The following PALM variants were observed in gnomAD, a reference collection of about 807,000 sequenced individuals.
PALM encodes paralemmin.
PALM carries 18 observed loss-of-function variants against 30.7 expected under a neutral mutation model. The ratio of observed to expected loss-of-function variants is 0.59; its 90% CI spans 0.41 to 0.87. The LOEUF is 0.87. PALM is among the 40% of genes least tolerant of loss of function. The probability of loss-of-function intolerance (pLI) is 0.00; values close to 1 mark genes in which losing one functional copy is unlikely to be tolerated. For missense variants in PALM, 529 were observed against 555.4 expected (o/e 0.95, Z 0.48); for synonymous variants, 286 against 242.8 (o/e 1.18, Z -1.66).
intron 1 of PALM, among the ~76,000 whole-genome samples, chr19:711,532 A>G (rs1218822272): frequency 6.6e-6 from 1 of 152,154 alleles, no homozygotes; most frequent in Non-Finnish European, 1.5e-5. Flanking sequence ...CACACTTGCT[A>G]ATCCCCCTTT....
chr19:736,314 G>A (rs1174567874), intron 7 of PALM, among the ~76,000 whole-genome samples: 2 of 152,164 alleles, frequency 1.3e-5, no homozygotes, highest in Non-Finnish European at 2.9e-5. Flanking sequence ...GAGAAGACGG[G>A]CCCCACGCAT....
chr19:717,956 C>T (rs946645005), intron 1 of PALM, among the ~76,000 whole-genome samples: 15 of 152,034 alleles, frequency 9.9e-5, no homozygotes, highest in Admixed American at 2.6e-4. Flanking sequence ...CTGAGGCGGG[C>T]GAACCACCTG....
At chr19:729,090 G>A (rs2032785740) in intron 4 of PALM, among the ~76,000 whole-genome samples, 1 of 152,038 alleles carries the variant, frequency 6.6e-6, no homozygotes. Context: ...ACTTTGGGAG[G>A]CCGAGGCAGG....
chr19:739,241 T>C (rs968443974), intron 7 of PALM, among the ~76,000 whole-genome samples: 15 of 152,010 alleles, frequency 9.9e-5, no homozygotes, highest in Admixed American at 3.3e-4. Flanking sequence ...GATGACGGCG[T>C]GTCCAACCGT....
intron 1 of PALM, among the ~76,000 whole-genome samples, chr19:710,906 C>G (rs372851181): frequency 1.5e-3 from 233 of 152,352 alleles, no homozygotes; most frequent in African/African-American, 5.4e-3. Flanking sequence ...CATCTGGTGC[C>G]GCCCGGCCTT....
At position 713,892 on chromosome 19, in the gene PALM, TTTTC is replaced by T. The variant is rs1309612305; in HGVS notation, c.5+4757_5+4760del. ...CCACCATGCCCAGCCTATGTTCTTT[TTTTC>T]TTTCTTTCTTTCTTTTTTTTTTTTT... On this transcript the variant is annotated intron_variant, in intron 1 of 8. Transcript: ENST00000338448. Among the ~76,000 whole-genome samples the T allele has an allele frequency of 2.5e-3, 366 of 144,544 alleles. 2 individuals are homozygous for T. The highest frequency in any genetic ancestry group is 8.3e-3 in the African/African-American group (320 of 38,624). 94.8% of individuals were successfully genotyped at this position (144,544 alleles called of 152,430 possible).
At chr19:732,393 G>A (rs1218305958) in intron 5 of PALM, among the ~76,000 whole-genome samples, 1 of 152,152 alleles carries the variant, frequency 6.6e-6, no homozygotes, top group Non-Finnish European at 1.5e-5. Flanking sequence ...TAAGCCAGAC[G>A]ATGTTAAAAC....
Position 742,201 on chromosome 19 carries a change from C to T in PALM, c.634+1718C>T, listed in dbSNP as rs8108278. ...GAAGCCCCATCCCCATCAGCTGTCA[C>T]TTCCTGTCCCCTCCCCAGTCAGCGT... On this transcript the variant is annotated intron_variant, in intron 8 of 8. Coordinates refer to ENST00000338448, the MANE Select transcript of PALM (RefSeq NM_002579.3). This position sits in a 1 kb window ranked among gnomAD's most constrained non-coding sequence, Gnocchi z 5.5. Among the ~76,000 whole-genome samples the T allele has an allele frequency of 1.4e-3, 206 of 152,232 alleles. No individual in the cohort carries two copies. The highest frequency in any genetic ancestry group is 4.7e-3 in the African/African-American group (197 of 41,542).
chr19:746,925 C>T lies in PALM; in HGVS notation c.*111C>T, dbSNP rs2033366255. ...ACAGCCTCACGGGTCCAGGACTTGG[C>T]GTGTTGTTACATGTTCCTTCCGAGT... On this transcript the variant is annotated 3_prime_UTR_variant, in exon 9 of 9. Coordinates refer to ENST00000338448, the MANE Select transcript of PALM (RefSeq NM_002579.3). The surrounding 1 kb of genome is among the most constrained non-coding windows in gnomAD (Gnocchi z 7.1). The T allele has an allele frequency of 1.0e-5, 7 of 671,444 alleles. No homozygotes were observed. Among genetic ancestry groups the T allele is most frequent in the Non-Finnish European group, 1.7e-5 (7 of 402,400 alleles). The allele number at this position is 671,444 out of a possible 1,614,324, so 41.6% of individuals were successfully genotyped here.
At chr19:738,994 G>A (rs952986853) in intron 7 of PALM, among the ~76,000 whole-genome samples, 8 of 152,184 alleles carry the variant, frequency 5.3e-5, no homozygotes, top group African/African-American at 1.9e-4. Flanking sequence ...GCCCTGTTCA[G>A]CTCCCGCTGC....
chr19:745,309 C>G (rs1242987799), intron 8 of PALM, among the ~76,000 whole-genome samples: 1 of 152,208 alleles, frequency 6.6e-6, no homozygotes, highest in African/African-American at 2.4e-5. Context: ...CAGCTGTGTC[C>G]CTTCTTTGAA....
At chr19:714,559 C>T (rs1211909462) in intron 1 of PALM, among the ~76,000 whole-genome samples, 32 of 143,414 alleles carry the variant, frequency 2.2e-4, no homozygotes, top group East Asian at 4.5e-4. Flanking sequence ...GGGGTTTCAC[C>T]ATGTTAACCA....
intron 4 of PALM, among the ~76,000 whole-genome samples, chr19:729,682 G>A (rs1057288992): frequency 6.6e-6 from 1 of 151,744 alleles, no homozygotes; most frequent in Admixed American, 6.6e-5. Flanking sequence ...GGCTGGTCTC[G>A]AACTCCCAAC....
At chr19:736,451 C>T (rs986463186) in intron 7 of PALM, among the ~76,000 whole-genome samples, 4 of 152,198 alleles carry the variant, frequency 2.6e-5, no homozygotes, top group Non-Finnish European at 5.9e-5. Flanking sequence ...TGCTCCAGTC[C>T]TCGGGCAGTA....
intron 8 of PALM, among the ~76,000 whole-genome samples, chr19:743,941 C>G (rs937919616): frequency 1.3e-5 from 2 of 152,188 alleles, no homozygotes; most frequent in Admixed American, 6.5e-5. Flanking sequence ...CAGAAAGTGA[C>G]CACCGTGGCC....
At chr19:729,046 G>C (rs1020443510) in intron 4 of PALM, among the ~76,000 whole-genome samples, 3 of 151,884 alleles carry the variant, frequency 2.0e-5, no homozygotes, top group South Asian at 2.1e-4. Context: ...TGGACATGCT[G>C]GGCGTGGGTG....
intron 8 of PALM, among the ~76,000 whole-genome samples, chr19:740,892 A>T (rs60450291): frequency 0.088 from 13,130 of 149,516 alleles, 880 homozygotes; most frequent in East Asian, 0.42. Context: ...GCACTTTGGG[A>T]GGCCGAGGGA....
At chr19:716,324 A>C (rs1381967534) in intron 1 of PALM, among the ~76,000 whole-genome samples, 1 of 152,108 alleles carries the variant, frequency 6.6e-6, no homozygotes, top group Non-Finnish European at 1.5e-5. Flanking sequence ...GAGGCAGGAG[A>C]ATCGCTTGAA....
chr19:743,447 G>A (rs1370401561), intron 8 of PALM, among the ~76,000 whole-genome samples: 5 of 152,180 alleles, frequency 3.3e-5, no homozygotes, highest in African/African-American at 1.2e-4. Flanking sequence ...GCGGCCAGTG[G>A]GACACACTGA....
Sources: allele counts gnomAD v4.1 joint callset (sites outside exome capture counted in the v4.1 genomes callset), GRCh38; gene constraint gnomAD v4.1.1; non-coding constraint Gnocchi (gnomAD v3.1); transcripts MANE v1.5; gene names NCBI Gene and HGNC (gene_info 2026-07-23, HGNC 2026-07-21).